The following SLC25A48 variants were observed in gnomAD, a reference collection of about 807,000 sequenced individuals.
SLC25A48 encodes the protein solute carrier family 25 member 48.
In SLC25A48, 29 loss-of-function variants were observed where a neutral mutation model predicts 32.2. The ratio of observed to expected loss-of-function variants is 0.90; its 90% CI spans 0.67 to 1.23. The LOEUF is 1.23. Among genes scored for constraint, SLC25A48 ranks in the 50% most tolerant of loss-of-function variants. SLC25A48 has a pLI of 0.00. For missense variants in SLC25A48, 399 were observed against 422.7 expected (o/e 0.94, Z 0.49); for synonymous variants, 164 against 172.3 (o/e 0.95, Z 0.38).
intron 5 of SLC25A48, 103 bp downstream of exon 5, chr5:135,871,821 C>T (rs748698032): frequency 9.0e-6 from 14 of 1,553,862 alleles, no homozygotes; most frequent in African/African-American, 2.7e-5. Context: ...GGGCAGGACA[C>T]ATTTAGGTAC....
intron 3 of SLC25A48, among the ~76,000 whole-genome samples, chr5:135,738,981 T>A (rs116873624): frequency 1.3e-5 from 2 of 151,938 alleles, no homozygotes; most frequent in Non-Finnish European, 1.5e-5. Flanking sequence ...ACTTGGGAGG[T>A]TGAGGAAGGA....
intron 3 of SLC25A48, among the ~76,000 whole-genome samples, chr5:135,786,228 G>A (rs757488448): frequency 2.0e-5 from 3 of 151,888 alleles, no homozygotes; most frequent in Non-Finnish European, 2.9e-5. Flanking sequence ...ACCATGGATC[G>A]TATATTCAGA....
intron 3 of SLC25A48, among the ~76,000 whole-genome samples, chr5:135,807,459 A>T (rs978267172): frequency 6.6e-6 from 1 of 150,648 alleles, no homozygotes; most frequent in Non-Finnish European, 1.5e-5. Context: ...TACTTTATTA[A>T]TGTCATAGTG....
At chr5:135,697,888 C>G (rs1266367869) in intron 3 of SLC25A48, among the ~76,000 whole-genome samples, 1 of 152,194 alleles carries the variant, frequency 6.6e-6, no homozygotes, top group Non-Finnish European at 1.5e-5. Flanking sequence ...ATCACAACCT[C>G]CAAAGGCCTC....
chr5:135,688,554 C>T (rs1048893480), intron 3 of SLC25A48, among the ~76,000 whole-genome samples: 15 of 152,202 alleles, frequency 9.9e-5, no homozygotes, highest in Non-Finnish European at 2.1e-4. Flanking sequence ...TAACTTATTC[C>T]ATGAGGGAAC....
chr5:135,596,786 C>T (rs1427435376), intron 1 of SLC25A48, among the ~76,000 whole-genome samples: 1 of 152,220 alleles, frequency 6.6e-6, no homozygotes, highest in African/African-American at 2.4e-5. Flanking sequence ...TTCCTGAGTG[C>T]TCCCTCCATA....
intron 4 of SLC25A48, among the ~76,000 whole-genome samples, chr5:135,855,926 C>A (rs1760279334): frequency 6.6e-6 from 1 of 152,228 alleles, no homozygotes; most frequent in African/African-American, 2.4e-5. Context: ...TGCGATGTAG[C>A]AATTTCTGCA....
At chr5:135,882,828 G>T (rs1482436467) in intron 7 of SLC25A48, among the ~76,000 whole-genome samples, 2 of 152,160 alleles carry the variant, frequency 1.3e-5, no homozygotes, top group African/African-American at 4.8e-5. Flanking sequence ...GGTCTCACTA[G>T]CCTACTTTCG....
At chr5:135,592,346 G>T (rs1751546630) in intron 1 of SLC25A48, among the ~76,000 whole-genome samples, 1 of 152,190 alleles carries the variant, frequency 6.6e-6, no homozygotes, top group South Asian at 2.1e-4. Flanking sequence ...CTCCAGGAGT[G>T]CTCTTCCATT....
At chr5:135,787,354 G>C (rs901451310) in intron 3 of SLC25A48, among the ~76,000 whole-genome samples, 3 of 151,906 alleles carry the variant, frequency 2.0e-5, no homozygotes, top group Non-Finnish European at 4.4e-5. Context: ...CTCACTGGGT[G>C]TAGACCCTGT....
At chr5:135,749,577 G>T (rs4371747) in intron 3 of SLC25A48, among the ~76,000 whole-genome samples, 45,869 of 151,322 alleles carry the variant, frequency 0.3, 7,090 homozygotes, top group East Asian at 0.46. Flanking sequence ...TTTTTTTATT[G>T]TTATTTTTTT....
chr5:135,718,838 G>A (rs1299031288), intron 3 of SLC25A48, among the ~76,000 whole-genome samples: 1 of 152,218 alleles, frequency 6.6e-6, no homozygotes, highest in Non-Finnish European at 1.5e-5. Flanking sequence ...CCAGAGGTGA[G>A]GGGTGGGAGG....
At chr5:135,699,495 C>T (rs561587460) in intron 3 of SLC25A48, among the ~76,000 whole-genome samples, 1 of 151,976 alleles carries the variant, frequency 6.6e-6, no homozygotes, top group Admixed American at 6.5e-5. Flanking sequence ...CACAACTTGT[C>T]TACGATGATG....
intron 3 of SLC25A48, among the ~76,000 whole-genome samples, chr5:135,686,596 G>A (rs1169285432): frequency 3.9e-5 from 6 of 152,228 alleles, no homozygotes; most frequent in African/African-American, 9.6e-5. Flanking sequence ...TCCGCAGACC[G>A]AACATGCCAT....
intron 1 of SLC25A48, among the ~76,000 whole-genome samples, chr5:135,624,235 G>A (rs1462706348): frequency 2.0e-5 from 3 of 152,286 alleles, no homozygotes; most frequent in Non-Finnish European, 2.9e-5. Flanking sequence ...TGATGGGGTG[G>A]GGCACAGTGT....
At chr5:135,861,581 A>C (rs1223878689) in intron 4 of SLC25A48, among the ~76,000 whole-genome samples, 1 of 152,238 alleles carries the variant, frequency 6.6e-6, no homozygotes, top group Non-Finnish European at 1.5e-5. Context: ...ATGTGAAATA[A>C]ATGTTAATTA....
intron 3 of SLC25A48, among the ~76,000 whole-genome samples, chr5:135,709,185 C>T (rs996322623): frequency 3.3e-5 from 5 of 152,262 alleles, no homozygotes; most frequent in Non-Finnish European, 5.9e-5. Flanking sequence ...CCTGAGCCCA[C>T]ACCAGCTCCC....
rs372200774 is a variant in SLC25A48, at chr5:135,723,376, T to A, written c.-521+88420T>A. ...GTCTGTCTCTCACTCTCTCTCTCTC[T>A]CTCTCACACACACACACACACACAC... On this transcript the variant is annotated intron_variant, in intron 3 of 10. Coordinates refer to the SLC25A48 transcript ENST00000646290. Among the ~76,000 whole-genome samples, 56 of 47,738 alleles carry A rather than the reference T, an allele frequency of 1.2e-3. 1 individual carries two copies. The highest frequency in any genetic ancestry group is 1.2e-3 in the Non-Finnish European group (18 of 14,536). 31.3% of individuals were successfully genotyped at this position (47,738 alleles called of 152,430 possible).
At chr5:135,685,555 C>T (rs1754004197) in intron 3 of SLC25A48, among the ~76,000 whole-genome samples, 1 of 151,594 alleles carries the variant, frequency 6.6e-6, no homozygotes, top group African/African-American at 2.4e-5. Flanking sequence ...ACCTCGGCCT[C>T]CTGAGTAGCT....
Sources: gnomAD v4.1 joint callset for allele counts (sites outside exome capture counted in the v4.1 genomes callset) on GRCh38, gnomAD v4.1.1 for gene constraint, MANE v1.5 for transcripts, NCBI Gene and HGNC (gene_info 2026-07-23, HGNC 2026-07-21) for gene names.